Variants in SEMA6D observed in about 807,000 individuals in gnomAD.
SEMA6D encodes semaphorin 6D.
In SEMA6D, 35 loss-of-function variants were observed where a neutral mutation model predicts 106.6. The ratio of observed to expected loss-of-function variants is 0.33; its 90% confidence interval spans 0.25 to 0.44. SEMA6D has a LOEUF of 0.44. Ranked by LOEUF, SEMA6D falls within the 20% of genes least tolerant of loss-of-function variation. The pLI is 1.00. For missense variants in SEMA6D, 1,185 were observed against 1,345.9 expected, an observed-to-expected ratio of 0.88 and a Z score of 1.87; for synonymous variants, 499 against 487.7, an observed-to-expected ratio of 1.02 and a Z score of -0.31.
intron 1 of SEMA6D, among the ~76,000 whole-genome samples, chr15:47,315,703 A>T (rs1471590559): frequency 6.6e-6 from 1 of 152,206 alleles, no homozygotes; most frequent in East Asian, 1.9e-4. Flanking sequence ...TGACATCTTG[A>T]TAATACTGAG....
chr15:47,326,717 C>T (rs2037147065), intron 1 of SEMA6D, among the ~76,000 whole-genome samples: 1 of 152,204 alleles, frequency 6.6e-6, no homozygotes, highest in Admixed American at 6.5e-5. Context: ...GAAGGCAAGT[C>T]AGTGACTTCC....
chr15:47,485,906 CTTATT>C (rs1400116567), intron 3 of SEMA6D, among the ~76,000 whole-genome samples: 1 of 152,146 alleles, frequency 6.6e-6, no homozygotes, highest in African/African-American at 2.4e-5. Flanking sequence ...AATAACATTG[CTTATT>C]TTAAGTCCAC....
intron 4 of SEMA6D, among the ~76,000 whole-genome samples, chr15:47,660,229 C>T (rs1333916816): frequency 2.0e-5 from 3 of 151,738 alleles, no homozygotes; most frequent in Admixed American, 6.6e-5. Flanking sequence ...GGTAAAGTCA[C>T]TTTGTATGTG....
At position 47,254,774 on chromosome 15, in the gene SEMA6D, C is replaced by T. The variant is rs145224426; in HGVS notation, c.-239+70356C>T. On this transcript the variant is annotated intron_variant, in intron 1 of 19. Coordinates refer to the SEMA6D transcript ENST00000558014. ...CATCTCTGGGATGAATCCCACTTGG[C>T]TATGGTGAATAATCTTTTTAATGTG... 3.7e-3 allele frequency among the ~76,000 whole-genome samples: 564 copies of T among 151,926 alleles called. 5 individuals carry two copies. The highest frequency in any genetic ancestry group is 0.013 in the African/African-American group (537 of 41,440).
intron 3 of SEMA6D, among the ~76,000 whole-genome samples, chr15:47,473,368 G>C (rs963287319): frequency 6.6e-6 from 1 of 152,176 alleles, no homozygotes; most frequent in Non-Finnish European, 1.5e-5. Context: ...CCTCTTGAGA[G>C]AGGGTCTGTG....
chr15:47,228,317 G>A (rs1191299907), intron 1 of SEMA6D, among the ~76,000 whole-genome samples: 1 of 151,736 alleles, frequency 6.6e-6, no homozygotes, highest in Non-Finnish European at 1.5e-5. Context: ...ATTACTCCTG[G>A]CACTGGTACT....
At chr15:47,613,939 G>A (rs192021768) in intron 4 of SEMA6D, among the ~76,000 whole-genome samples, 1 of 152,136 alleles carries the variant, frequency 6.6e-6, no homozygotes, top group East Asian at 1.9e-4. Flanking sequence ...GAGCCACCGC[G>A]CCCAGCCACT....
chr15:47,727,386 C>G (rs914448390), intron 1 of SEMA6D, among the ~76,000 whole-genome samples: 8 of 152,180 alleles, frequency 5.3e-5, no homozygotes, highest in African/African-American at 1.7e-4. Flanking sequence ...CCCATTGTCC[C>G]TTCACCACAT....
chr15:47,471,929 TCTCACACACACA>T (rs919725650), intron 3 of SEMA6D, among the ~76,000 whole-genome samples: 7 of 106,002 alleles, frequency 6.6e-5, no homozygotes, highest in African/African-American at 2.3e-4. Context: ...TCTCTCTCTC[TCTCACACACACA>T]CACACACACA....
At chr15:47,369,930 G>A (rs2039207769) in intron 1 of SEMA6D, among the ~76,000 whole-genome samples, 1 of 152,206 alleles carries the variant, frequency 6.6e-6, no homozygotes. Context: ...ACATTGCATT[G>A]GATTGACTCA....
intron 1 of SEMA6D, among the ~76,000 whole-genome samples, chr15:47,258,055 C>T (rs140971077): frequency 1.1e-4 from 17 of 152,242 alleles, no homozygotes; most frequent in African/African-American, 4.1e-4. Context: ...AATACAGCCA[C>T]TTGAGCATTT....
chr15:47,203,375 C>T (rs1051960035), intron 1 of SEMA6D, among the ~76,000 whole-genome samples: 5 of 152,122 alleles, frequency 3.3e-5, no homozygotes, highest in African/African-American at 4.8e-5. Context: ...TAGGAAAGAT[C>T]AATCACTGGA....
At chr15:47,700,551 T>C (rs545818995) in intron 4 of SEMA6D, among the ~76,000 whole-genome samples, 1 of 152,066 alleles carries the variant, frequency 6.6e-6, no homozygotes, top group Admixed American at 6.5e-5. Context: ...AATAAATAAA[T>C]AATAAGTAAA....
At chr15:47,305,941 C>T (rs2036213462) in intron 1 of SEMA6D, among the ~76,000 whole-genome samples, 1 of 152,168 alleles carries the variant, frequency 6.6e-6, no homozygotes, top group African/African-American at 2.4e-5. Context: ...TACTTTGTAT[C>T]ACAATAAATA....
intron 1 of SEMA6D, among the ~76,000 whole-genome samples, chr15:47,257,454 G>T (rs2033868544): frequency 6.6e-6 from 1 of 152,034 alleles, no homozygotes; most frequent in African/African-American, 2.4e-5. Context: ...TTCCCTCTCA[G>T]CACTGCTTAA....
chr15:47,658,454 T>A (rs970373464), intron 4 of SEMA6D, among the ~76,000 whole-genome samples: 2 of 152,148 alleles, frequency 1.3e-5, no homozygotes, highest in African/African-American at 4.8e-5. Flanking sequence ...GCTTCTCAAT[T>A]TCAAAAATAT....
chr15:47,439,912 A>G (rs1567080745), intron 2 of SEMA6D, among the ~76,000 whole-genome samples: 1 of 152,132 alleles, frequency 6.6e-6, no homozygotes, highest in Non-Finnish European at 1.5e-5. Context: ...TTCAGGCACT[A>G]AAGGAAAAAC....
rs138849071 is a variant in SEMA6D at position 47,772,036 on chromosome 15, G to A, written c.*251G>A. ...TTCTTTTGTTTGAAGCTAAAGAGAT[G>A]TGTAGCTCACAGGGGCTACCTTACC... On this transcript the variant is annotated 3_prime_UTR_variant, in exon 19 of 19. Coordinates refer to ENST00000536845, the MANE Select transcript of SEMA6D (RefSeq NM_001358351.3). The A allele has an allele frequency of 4.1e-6, 2 of 489,452 alleles. No homozygotes were observed. The highest frequency in any genetic ancestry group is 1.9e-5 in the African/African-American group (1 of 52,444). The allele number at this position is 489,452 out of a possible 1,614,324, so 30.3% of individuals were successfully genotyped here. A position where few individuals can be genotyped will look rare whatever the true frequency, so the allele number is the denominator to read the frequency against.
intron 4 of SEMA6D, among the ~76,000 whole-genome samples, chr15:47,631,588 A>G (rs1036882664): frequency 5.3e-5 from 8 of 151,768 alleles, no homozygotes; most frequent in African/African-American, 1.9e-4. Flanking sequence ...CATAATAGGA[A>G]GGAGGGGGAA....
Sources: allele counts gnomAD v4.1 joint callset (sites outside exome capture counted in the v4.1 genomes callset), GRCh38; gene constraint gnomAD v4.1.1; transcripts MANE v1.5; gene names NCBI Gene and HGNC (gene_info 2026-07-23, HGNC 2026-07-21).